The following AOPEP variants were observed in gnomAD, a reference collection of about 807,000 sequenced individuals.
AOPEP encodes aminopeptidase O (putative).
Under a neutral mutation model 98.1 loss-of-function variants are expected in AOPEP, and 77 were observed. That is an observed-to-expected ratio of 0.78 (90% CI 0.65 to 0.95). The LOEUF is 0.95. Ranked by LOEUF, AOPEP falls within the 40% of genes least tolerant of loss-of-function variation. The pLI is 0.00. For synonymous variants in AOPEP, 346 were observed against 365.3 expected (o/e 0.95, Z 0.60); for missense variants, 1,024 against 1,024.7 (o/e 1.00, Z 0.01).
chr9:94,902,095 T>C (rs1235848627), intron 5 of AOPEP, among the ~76,000 whole-genome samples: 1 of 152,176 alleles, frequency 6.6e-6, no homozygotes, highest in East Asian at 1.9e-4. Context: ...GACCACACTT[T>C]GAGTATCAAG....
At chr9:94,729,611 A>G (rs1333269637) in intron 1 of AOPEP, among the ~76,000 whole-genome samples, 2 of 151,728 alleles carry the variant, frequency 1.3e-5, no homozygotes, top group African/African-American at 2.4e-5. Context: ...AGAAGACCAT[A>G]GAGCAGGGAG....
At chr9:94,789,943 G>A (rs1413591324) in intron 3 of AOPEP, among the ~76,000 whole-genome samples, 6 of 151,628 alleles carry the variant, frequency 4.0e-5, no homozygotes, top group African/African-American at 1.5e-4. Flanking sequence ...GCGCAATCTC[G>A]GCTCACTGCA....
intron 2 of AOPEP, 22 bp downstream of exon 2, chr9:94,760,602 A>G (rs1177802547): frequency 5.3e-6 from 8 of 1,520,676 alleles, no homozygotes; most frequent in Non-Finnish European, 7.0e-6. Context: ...AAGCACTTCA[A>G]AGCCCTGTGC....
chr9:94,791,380 C>G (rs1845674125), intron 3 of AOPEP, among the ~76,000 whole-genome samples: 1 of 151,822 alleles, frequency 6.6e-6, no homozygotes, highest in Admixed American at 6.6e-5. Flanking sequence ...GAAAAACTAC[C>G]TATCAGGCTG....
intron 5 of AOPEP, among the ~76,000 whole-genome samples, chr9:94,848,880 G>A (rs561181141): frequency 6.6e-6 from 1 of 152,242 alleles, no homozygotes; most frequent in Admixed American, 6.5e-5. Context: ...GGGTTCAAGC[G>A]ATTCTCCTGC....
chr9:95,144,818 G>A, the AOPEP span, among the ~76,000 whole-genome samples: 1 of 152,158 alleles, frequency 6.6e-6, no homozygotes, highest in Non-Finnish European at 1.5e-5. Flanking sequence ...GCTCCATTGC[G>A]GGTGTTGGGC....
At chr9:95,027,712 T>A (rs1381540752) in intron 13 of AOPEP, among the ~76,000 whole-genome samples, 1 of 152,256 alleles carries the variant, frequency 6.6e-6, no homozygotes, top group African/African-American at 2.4e-5. Flanking sequence ...TGTATGAATC[T>A]AGGCTATCTC....
At chr9:95,018,249 C>G (rs1161036115) in intron 13 of AOPEP, among the ~76,000 whole-genome samples, 1 of 152,174 alleles carries the variant, frequency 6.6e-6, no homozygotes, top group Non-Finnish European at 1.5e-5. Flanking sequence ...ACATTTCCAC[C>G]AGCAGTGTTT....
At chr9:95,107,122 TGAG>T in the AOPEP span, 1 of 1,614,078 alleles carries the variant, frequency 6.2e-7, no homozygotes, top group Non-Finnish European at 8.5e-7. Flanking sequence ...AGCAGGAAGT[TGAG>T]GAGAAGGTGC....
chr9:94,825,423 A>G (rs1397958962), intron 5 of AOPEP, among the ~76,000 whole-genome samples: 1 of 152,204 alleles, frequency 6.6e-6, no homozygotes, highest in Non-Finnish European at 1.5e-5. Flanking sequence ...AGGAGGTGGG[A>G]CCTCAAATCC....
chr9:95,144,857 C>T, the AOPEP span, among the ~76,000 whole-genome samples: 1 of 152,164 alleles, frequency 6.6e-6, no homozygotes, highest in Non-Finnish European at 1.5e-5. Context: ...AGCGCCGCGC[C>T]GCACGTTCAC....
chr9:94,901,426 C>G (rs2050387431), intron 5 of AOPEP, among the ~76,000 whole-genome samples: 1 of 151,832 alleles, frequency 6.6e-6, no homozygotes, highest in Admixed American at 6.6e-5. Context: ...TCCCTGACAC[C>G]TAGCCCAAGT....
chr9:95,070,043 A>G (rs1040874769), intron 14 of AOPEP, among the ~76,000 whole-genome samples: 7 of 152,262 alleles, frequency 4.6e-5, no homozygotes, highest in Non-Finnish European at 8.8e-5. Context: ...AAAGAAAAGA[A>G]TGAAAACACA....
At chr9:94,913,461 C>T (rs765746370) in intron 5 of AOPEP, among the ~76,000 whole-genome samples, 6 of 152,112 alleles carry the variant, frequency 3.9e-5, no homozygotes, top group Non-Finnish European at 5.9e-5. Flanking sequence ...TCTCGACAAG[C>T]GTGCCATGGT....
At chr9:95,004,309 A>G (rs774445815) in intron 11 of AOPEP, 10 of 456,370 alleles carry the variant, frequency 2.2e-5, no homozygotes, top group Non-Finnish European at 4.4e-5. Context: ...TTTCTCCCTA[A>G]TTATGAAAAC....
chr9:94,952,218 T>A (rs1037769357), intron 7 of AOPEP, among the ~76,000 whole-genome samples: 1 of 152,238 alleles, frequency 6.6e-6, no homozygotes, highest in African/African-American at 2.4e-5. Context: ...TCTAGACTGA[T>A]GGCCTTTCCT....
the AOPEP span, chr9:95,123,897 G>A: frequency 2.1e-6 from 1 of 485,642 alleles, no homozygotes; most frequent in South Asian, 1.8e-5. Context: ...TCTGAAGACG[G>A]ACTATTCTCT....
At chr9:94,886,478 T>C (rs72748551) in intron 5 of AOPEP, among the ~76,000 whole-genome samples, 4,404 of 152,336 alleles carry the variant, frequency 0.029, 172 homozygotes, top group African/African-American at 0.084. Context: ...ATGTTACATA[T>C]TTAAGAAGGC....
the AOPEP span, chr9:95,124,981 A>C: frequency 2.1e-6 from 2 of 958,118 alleles, no homozygotes; most frequent in Non-Finnish European, 3.3e-6. Flanking sequence ...TTTGTGAGCA[A>C]AACAGTCCAT....
Sources: allele counts gnomAD v4.1 joint callset (sites outside exome capture counted in the v4.1 genomes callset), GRCh38; gene constraint gnomAD v4.1.1; transcripts MANE v1.5; gene names NCBI Gene and HGNC (gene_info 2026-07-23, HGNC 2026-07-21).